CYP4F22: variants seen among roughly 807,000 people sequenced by gnomAD.
The protein encoded by CYP4F22 is ultra-long-chain fatty acid omega-hydroxylase.
A neutral mutation model predicts 60.4 loss-of-function variants in CYP4F22; 37 were observed. That is an observed-to-expected ratio of 0.61 (90% CI 0.47 to 0.81). The LOEUF (loss-of-function observed/expected upper bound fraction) is 0.81. CYP4F22 is among the 30% of genes least tolerant of loss of function. CYP4F22 has a pLI of 0.00. For missense variants in CYP4F22, 655 were observed against 715.0 expected (o/e 0.92, Z 0.96); for synonymous variants, 258 against 280.5 (o/e 0.92, Z 0.80).
chr19:15,511,301 A>T (rs1018448229), intron 1 of CYP4F22, among the ~76,000 whole-genome samples: 12 of 151,014 alleles, frequency 7.9e-5, no homozygotes, highest in South Asian at 2.1e-4. Context: ...CAAAAAAATT[A>T]AAAAAAAATT....
chr19:15,550,616 G>A, intron 12 of CYP4F22, 58 bp from the exon 13 acceptor site: 1 of 1,577,224 alleles, frequency 6.3e-7, no homozygotes, highest in African/African-American at 1.3e-5. Context: ...AGGGAAGGGG[G>A]CCAGGCTGGG....
intron 1 of CYP4F22, among the ~76,000 whole-genome samples, chr19:15,519,887 C>T (rs1180852892): frequency 6.6e-6 from 1 of 152,134 alleles, no homozygotes; most frequent in Admixed American, 6.5e-5. Context: ...CTGGTGTGGA[C>T]CCAGAGATCA....
At chr19:15,540,289 C>T (rs2144532097) in intron 7 of CYP4F22, among the ~76,000 whole-genome samples, 161 bp from the exon 8 acceptor site, 1 of 152,096 alleles carries the variant, frequency 6.6e-6, no homozygotes, top group East Asian at 1.9e-4. Context: ...CAGAGCAAGA[C>T]CCTATCTAAA....
chr19:15,516,145 T>C (rs1971152511), intron 1 of CYP4F22: 1 of 152,294 alleles, frequency 6.6e-6, no homozygotes, highest in African/African-American at 2.4e-5. Context: ...GTACATTCTA[T>C]GTCTTTGTAC....
intron 8 of CYP4F22, among the ~76,000 whole-genome samples, 183 bp downstream of exon 8, chr19:15,540,900 C>T (rs1487114270): frequency 6.6e-6 from 1 of 152,184 alleles, no homozygotes; most frequent in Non-Finnish European, 1.5e-5. Flanking sequence ...GCCTGGGCAA[C>T]ACAGGGAGAC....
chr19:15,515,449 G>T (rs774709656), intron 1 of CYP4F22: 78 of 938,426 alleles, frequency 8.3e-5, no homozygotes, highest in Non-Finnish European at 1.3e-4. Flanking sequence ...AGCTGGCCAG[G>T]CACGGTGGCT....
chr19:15,548,763 C>T (rs1971561878), intron 11 of CYP4F22, among the ~76,000 whole-genome samples: 1 of 152,012 alleles, frequency 6.6e-6, no homozygotes, highest in Non-Finnish European at 1.5e-5. Context: ...AAAGAGTGAG[C>T]ATGTTTATGG....
At position 15,544,013 on chromosome 19, in the gene CYP4F22, G is replaced by A. The variant is rs761963345; in HGVS notation, c.982G>A (p.Glu328Lys). 16 of 1,614,144 alleles carry A rather than the reference G, an allele frequency of 9.9e-6. No homozygotes were observed. The highest frequency in any genetic ancestry group is 1.3e-5 in the Non-Finnish European group (15 of 1,180,030). ...KELSDEDIRA[E>K]ADTFMFEGHD... ...ACTGTCAGACGAGGATATCCGAGCC[G>A]AAGCAGACACCTTCATGTTTGAGGG... The change falls in exon 9 of 14, where the codon GAA becomes AAA. Residue 328 changes from glutamate (E) to lysine (K), a missense_variant. This residue lies in a region of CYP4F22 where 430 missense variants were observed against 457.1 expected (regional missense o/e 0.94). Coordinates refer to ENST00000269703, the MANE Select transcript of CYP4F22 (RefSeq NM_173483.4).
intron 1 of CYP4F22, among the ~76,000 whole-genome samples, chr19:15,519,947 C>T (rs962005790): frequency 6.6e-6 from 1 of 152,126 alleles, no homozygotes; most frequent in Non-Finnish European, 1.5e-5. Context: ...AGGACCAGGC[C>T]ACATAGCCAA....
chr19:15,525,569 C>A lies in CYP4F22; in HGVS notation c.222+11C>A, dbSNP rs1971274092. ...GGCCACCTGGGCATGGTAAGTGTGG[C>A]CAGGCAGGACTGGGCTGGGCTGGGC... On this transcript the variant is annotated intron_variant, in intron 3 of 13. Coordinates refer to ENST00000269703, the MANE Select transcript of CYP4F22 (RefSeq NM_173483.4). The A allele has an allele frequency of 1.2e-6, 2 of 1,604,720 alleles. No homozygotes were observed. The highest frequency in any genetic ancestry group is 2.7e-5 in the African/African-American group (2 of 74,876).
intron 4 of CYP4F22, among the ~76,000 whole-genome samples, chr19:15,532,316 C>T (rs536125892): frequency 4.0e-3 from 602 of 149,234 alleles, no homozygotes; most frequent in Middle Eastern, 0.01. Flanking sequence ...TCTTCTTCTC[C>T]TTCTCCTCCT....
intron 1 of CYP4F22, among the ~76,000 whole-genome samples, chr19:15,518,117 G>T (rs571151833): frequency 2.0e-5 from 3 of 152,144 alleles, no homozygotes; most frequent in South Asian, 2.1e-4. Context: ...TGGGAGGATT[G>T]TCTGAGACCA....
chr19:15,547,931 T>C (rs1194595537), intron 10 of CYP4F22, among the ~76,000 whole-genome samples, 177 bp from the exon 11 acceptor site: 1 of 150,182 alleles, frequency 6.7e-6, no homozygotes, highest in African/African-American at 2.5e-5. Flanking sequence ...TTGGGGCAAG[T>C]CTAAAATCCT....
intron 1 of CYP4F22, among the ~76,000 whole-genome samples, chr19:15,518,670 G>GA (rs1971184612): frequency 1.4e-5 from 1 of 71,744 alleles, no homozygotes; most frequent in African/African-American, 5.6e-5. Context: ...AAAAAAAAAA[G>GA]AAACAAAACA....
In CYP4F22 at chr19:15,520,397, T is replaced by C. The variant is rs577096922; in HGVS notation, c.-108-3296T>C. Among the ~76,000 whole-genome samples the C allele has an allele frequency of 3.5e-5, 5 of 142,674 alleles. No homozygotes were observed. The East Asian group carries it at 1.4e-3, about 41-fold the overall frequency. 93.6% of individuals were successfully genotyped at this position (142,674 alleles called of 152,430 possible). On this transcript the variant is annotated intron_variant, in intron 1 of 13. Coordinates refer to ENST00000269703, the MANE Select transcript of CYP4F22 (RefSeq NM_173483.4). ...AAAAAGAAAGTCTCTTTCCCTTTTT[T>C]TGCTGTTTTTTTTTTTGAGACGGAG... is the stretch of plus-strand genomic sequence containing the variant.
At chr19:15,511,970 C>G (rs1414613504) in intron 1 of CYP4F22, among the ~76,000 whole-genome samples, 1 of 152,194 alleles carries the variant, frequency 6.6e-6, no homozygotes, top group East Asian at 1.9e-4. Context: ...TCTACCAAGG[C>G]GGGCCTGCTG....
In CYP4F22 at chr19:15,540,472, G is replaced by A. The variant is rs745682521; in HGVS notation, c.694G>A (p.Ala232Thr). The A allele has an allele frequency of 1.5e-5, 25 of 1,614,016 alleles. No individual in the cohort carries two copies. Among genetic ancestry groups the A allele is most frequent in the South Asian group, 5.5e-5 (5 of 91,080 alleles). The stretch of plus-strand genomic sequence containing the variant: ...CAGGAAGATGAGTGATTATATCTCC[G>A]CTATCATTGAACTGAGCGCTCTGTC... Reference protein sequence around the residue: ...CQEKMSDYISAIIELSALSVR... With the variant: ...CQEKMSDYISTIIELSALSVR... The change falls in exon 8 of 14, where the codon GCT (alanine) becomes ACT (threonine). Residue 232 changes from alanine (A) to threonine (T), a missense_variant. This residue lies in a region of CYP4F22 where 430 missense variants were observed against 457.1 expected (regional missense o/e 0.94). Transcript: ENST00000269703.
At chr19:15,509,914 T>TTTCCTTCC (rs1178828724) in intron 1 of CYP4F22, among the ~76,000 whole-genome samples, 2 of 133,916 alleles carry the variant, frequency 1.5e-5, no homozygotes, top group African/African-American at 2.8e-5. Flanking sequence ...CCTTTCTTTC[T>TTTCCTTCC]TTCCTTCCTT....
chr19:15,550,485 C>T (rs115252913), intron 12 of CYP4F22, among the ~76,000 whole-genome samples, 189 bp from the exon 13 acceptor site: 147 of 152,268 alleles, frequency 9.7e-4, no homozygotes, highest in African/African-American at 3.2e-3. Context: ...GGTGGAATCT[C>T]ACTGGTGCGT....
Sources: gnomAD v4.1 joint callset for allele counts (sites outside exome capture counted in the v4.1 genomes callset) on GRCh38, gnomAD v4.1.1 for gene constraint, gnomAD v4.1.1 regional missense constraint, MANE v1.5 for transcripts, NCBI Gene and HGNC (gene_info 2026-07-23, HGNC 2026-07-21) for gene names.